Variants in CD1C observed in about 807,000 individuals in gnomAD.
CD1C encodes the protein T-cell surface glycoprotein CD1c.
CD1C carries 47 observed loss-of-function variants against 39.4 expected under a neutral mutation model. The ratio of observed to expected loss-of-function variants is 1.19; its 90% CI spans 0.94 to 1.52. The LOEUF is 1.52. CD1C is among the 40% of genes most tolerant of loss of function. The probability of loss-of-function intolerance (pLI) is 0.00; values close to 1 mark genes in which losing one functional copy is unlikely to be tolerated. For missense variants in CD1C, 417 were observed against 395.2 expected (o/e 1.06, Z -0.47); for synonymous variants, 165 against 150.8 (o/e 1.09, Z -0.69).
intron 3 of CD1C, 91 bp downstream of exon 3, chr1:158,292,456 A>C (rs948183554): frequency 1.1e-5 from 17 of 1,504,912 alleles, no homozygotes; most frequent in Admixed American, 2.0e-5. Flanking sequence ...AAGAAAGAGG[A>C]CAAGAAGCAG....
chr1:158,292,840 C>A lies in CD1C; in HGVS notation c.855C>A (p.Ser285Arg), dbSNP rs1261175172. ...PAGLSCRVRH[S>R]SLGGQDIILY... ...GCCTGTCTTGTCGAGTGAGACACAGCAGTCTAGGAGGCCAGGACATCATCC... is the reference window on the plus strand; with the variant it reads ...GCCTGTCTTGTCGAGTGAGACACAGAAGTCTAGGAGGCCAGGACATCATCC... The change falls in exon 4 of 6, where the codon AGC (serine) becomes AGA (arginine). Residue 285 changes from serine (S) to arginine (R), a missense_variant. Coordinates refer to ENST00000368170, the MANE Select transcript of CD1C (RefSeq NM_001765.3). The A allele has an allele frequency of 1.1e-5, 18 of 1,614,016 alleles. No individual in the cohort carries two copies. Among genetic ancestry groups the A allele is most frequent in the Non-Finnish European group, 1.4e-5 (17 of 1,180,012 alleles).
At chr1:158,290,318 T>C (rs543766244) in intron 1 of CD1C, among the ~76,000 whole-genome samples, 193 bp downstream of exon 1, 1 of 152,272 alleles carries the variant, frequency 6.6e-6, no homozygotes, top group Admixed American at 6.5e-5. Context: ...GCTAAAGTAG[T>C]CATTAATGTT....
intron 2 of CD1C, 84 bp downstream of exon 2, chr1:158,291,484 C>A (rs1651041148): frequency 7.5e-7 from 1 of 1,325,018 alleles, no homozygotes. Context: ...TGGGCCATTT[C>A]CCATTATCCC....
In CD1C at chr1:158,294,753, A is replaced by T. The variant is rs1425163035; in HGVS notation, c.*1277A>T. On this transcript the variant is annotated 3_prime_UTR_variant, in exon 6 of 6. Coordinates refer to ENST00000368170, the MANE Select transcript of CD1C (RefSeq NM_001765.3). ...ATTTTCTATGATTTTATTAAGATGGAAATAAACATATCTACTTGGTATTGC... is the reference window on the plus strand; with the variant it reads ...ATTTTCTATGATTTTATTAAGATGGTAATAAACATATCTACTTGGTATTGC... Among the ~76,000 whole-genome samples, 1 of 152,246 alleles carries T rather than the reference A, an allele frequency of 6.6e-6. No homozygotes were observed. The highest frequency in any genetic ancestry group is 1.9e-4 in the East Asian group (1 of 5,202).
chr1:158,290,373 G>A (rs999968538), intron 1 of CD1C, among the ~76,000 whole-genome samples: 5 of 151,994 alleles, frequency 3.3e-5, no homozygotes, highest in Admixed American at 1.3e-4. Context: ...TCCATTTTCC[G>A]TTAAAACAAT....
Position 158,293,596 on chromosome 1 carries a change from A to G in CD1C, c.*120A>G. 1 of 1,610,312 alleles carries G rather than the reference A, an allele frequency of 6.2e-7. No homozygotes were observed. Among genetic ancestry groups the G allele is most frequent in the Non-Finnish European group, 8.5e-7 (1 of 1,177,990 alleles). On this transcript the variant is annotated 3_prime_UTR_variant, in exon 6 of 6. Coordinates refer to ENST00000368170, the MANE Select transcript of CD1C (RefSeq NM_001765.3). ...AATTGTTTCTCTTTCTGCATAATAAACATTTGTTAATAAAAACCAAATTCT... is the reference window on the plus strand; with the variant it reads ...AATTGTTTCTCTTTCTGCATAATAAGCATTTGTTAATAAAAACCAAATTCT...
Position 158,290,005 on chromosome 1 carries a change from T to C in CD1C, c.-60T>C, listed in dbSNP as rs1650976044. On this transcript the variant is annotated 5_prime_UTR_variant, in exon 1 of 6. Coordinates refer to ENST00000368170, the MANE Select transcript of CD1C (RefSeq NM_001765.3). ...AGAATATAGGTACAGAGGGATAAGT[T>C]TGCTAAGAACAGAGATCAGCAAACA... The C allele has an allele frequency of 1.3e-6, 2 of 1,512,280 alleles. No individual in the cohort carries two copies. Among genetic ancestry groups the C allele is most frequent in the African/African-American group, 2.7e-5 (2 of 72,992 alleles). 93.7% of individuals were successfully genotyped at this position (1,512,280 alleles called of 1,614,324 possible). A position where few individuals can be genotyped will look rare whatever the true frequency, so the allele number is the denominator to read the frequency against.
chr1:158,291,088 C>CTTTT, intron 1 of CD1C, 46 bp from the exon 2 acceptor site: 2 of 1,267,848 alleles, frequency 1.6e-6, no homozygotes, highest in South Asian at 1.4e-5. Context: ...CCTTGCCTCT[C>CTTTT]TTTTTTTTTT....
At position 158,294,243 on chromosome 1, in the gene CD1C, G is replaced by A. The variant is rs992300896; in HGVS notation, c.*767G>A. Among the ~76,000 whole-genome samples, 5 of 152,224 alleles carry A rather than the reference G, an allele frequency of 3.3e-5. No homozygotes were observed. The highest frequency in any genetic ancestry group is 7.3e-5 in the Non-Finnish European group (5 of 68,040). ...GGGTTGGAGTGGGATCAAGGCAACC[G>A]TTGTGCTGTATATGGAAGACAAATT... On this transcript the variant is annotated 3_prime_UTR_variant, in exon 6 of 6. Transcript: ENST00000368170.
In CD1C at chr1:158,289,930, C is replaced by T. The variant is rs1003183281; in HGVS notation, c.-135C>T. ...ACCAAGGTTGAGGGAAGCAGATCTT[C>T]TTAGTTGCTGTCAGCGGCTGATGGG... On this transcript the variant is annotated 5_prime_UTR_variant, in exon 1 of 6. Transcript: ENST00000368170. 4.2e-6 allele frequency: 3 copies of T among 711,720 alleles called. No homozygotes were observed. Among genetic ancestry groups the T allele is most frequent in the Admixed American group, 2.2e-5 (1 of 44,784 alleles). The allele number at this position is 711,720 out of a possible 1,614,324, so 44.1% of individuals were successfully genotyped here.
Position 158,291,253 on chromosome 1 carries a change from G to C in CD1C, c.181G>C (p.Glu61Gln). 6.2e-7 allele frequency: 1 copy of C among 1,614,094 alleles called. No individual in the cohort carries two copies. The highest frequency in any genetic ancestry group is 1.1e-5 in the South Asian group (1 of 91,084). ...GTTGCAGACTCATGGCTGGGACAGT[G>C]AATCAGGCACAATAATTTTCCTGCA... The part of the protein sequence containing the change: ...DELQTHGWDS[E>Q]SGTIIFLHNW... Residue 61 changes from glutamate (E) to glutamine (Q), a missense_variant, in exon 2 of 6, where the codon GAA (glutamate) becomes CAA (glutamine). Glu to Gln is a conservative substitution (Grantham distance 29). Coordinates refer to ENST00000368170, the MANE Select transcript of CD1C (RefSeq NM_001765.3).
Position 158,292,823 on chromosome 1 carries a change from T to G in CD1C, c.838T>G (p.Cys280Gly). Residue 280 changes from cysteine (C) to glycine (G), a missense_variant, in exon 4 of 6, where the codon TGT becomes GGT. Transcript: ENST00000368170. Reference sequence around the variant, plus strand: ...ATCTGAGGAGCCTGCTGGCCTGTCTTGTCGAGTGAGACACAGCAGTCTAGG... The same window carrying G: ...ATCTGAGGAGCCTGCTGGCCTGTCTGGTCGAGTGAGACACAGCAGTCTAGG... ...VASEEPAGLSCRVRHSSLGGQ... is the reference protein window; with the variant it reads ...VASEEPAGLSGRVRHSSLGGQ... The G allele has an allele frequency of 6.2e-7, 1 of 1,614,214 alleles. No individual in the cohort carries two copies.
Position 158,293,614 on chromosome 1 carries a change from C to T in CD1C, c.*138C>T. On this transcript the variant is annotated 3_prime_UTR_variant, in exon 6 of 6. Coordinates refer to ENST00000368170, the MANE Select transcript of CD1C (RefSeq NM_001765.3). ...ATAATAAACATTTGTTAATAAAAAC[C>T]AAATTCTAATTTGGAATGTTTTTCT... 1.3e-6 allele frequency: 2 copies of T among 1,594,792 alleles called. No homozygotes were observed. The highest frequency in any genetic ancestry group is 1.1e-5 in the South Asian group (1 of 89,084).
In CD1C at chr1:158,292,208, ATCTCC is replaced by A; in HGVS notation, c.454_458del (p.Ser152ArgfsTer18). 6.2e-7 allele frequency: 1 copy of A among 1,614,206 alleles called. No homozygotes were observed. Among genetic ancestry groups the A allele is most frequent in the East Asian group, 2.2e-5 (1 of 44,876 alleles). ...GTTTCCAGAATACAACATGGGTGCC[ATCTCC>A]AGGCTGTGGAAGTTTGGCCCAAAGT... is the stretch of plus-strand genomic sequence containing the variant. On this transcript the variant is annotated frameshift_variant, in exon 3 of 6. Coordinates refer to ENST00000368170, the MANE Select transcript of CD1C (RefSeq NM_001765.3). LOFTEE classifies it high-confidence loss of function.
Position 158,291,373 on chromosome 1 carries a change from GA to G in CD1C, c.302del (p.Asp101AlafsTer16), listed in dbSNP as rs1651036287. Reference sequence around the variant, plus strand: ...CTTTGGATTAACTCGGGAGATTCAAGACCATGCAAGTCAAGATTACTCGAAA... The same window carrying G: ...CTTTGGATTAACTCGGGAGATTCAAGCCATGCAAGTCAAGATTACTCGAAA... ...YLFGLTREIQ[D>X]HASQDYSKYP... On this transcript the variant is annotated frameshift_variant, in exon 2 of 6. Coordinates refer to ENST00000368170, the MANE Select transcript of CD1C (RefSeq NM_001765.3). LOFTEE classifies it high-confidence loss of function. The G allele has an allele frequency of 6.2e-7, 1 of 1,613,970 alleles. No homozygotes were observed. Among genetic ancestry groups the G allele is most frequent in the Admixed American group, 1.7e-5 (1 of 60,002 alleles).
In CD1C at chr1:158,291,345, C is replaced by T; in HGVS notation, c.273C>T (p.Tyr91=). The T allele has an allele frequency of 1.9e-6, 3 of 1,614,078 alleles. No individual in the cohort carries two copies. The highest frequency in any genetic ancestry group is 1.6e-4 in the Middle Eastern group (1 of 6,062). Residue 91 remains tyrosine (Y), a synonymous_variant, in exon 2 of 6, where the codon TAC becomes TAT. Coordinates refer to ENST00000368170, the MANE Select transcript of CD1C (RefSeq NM_001765.3). The part of the protein sequence containing the change: ...LSDLELLFRF[Y]LFGLTREIQD... ...ACCTAGAGTTGTTATTTCGTTTCTA[C>T]CTCTTTGGATTAACTCGGGAGATTC...
intron 3 of CD1C, 100 bp downstream of exon 3, chr1:158,292,465 A>G (rs1468628770): frequency 2.2e-5 from 33 of 1,491,702 alleles, no homozygotes; most frequent in Non-Finnish European, 2.8e-5. Context: ...GACAAGAAGC[A>G]GGGGGGTTGC....
chr1:158,291,086 C>T, intron 1 of CD1C, 48 bp from the exon 2 acceptor site: 1 of 1,527,342 alleles, frequency 6.5e-7, no homozygotes, highest in Non-Finnish European at 8.9e-7. Context: ...TTCCTTGCCT[C>T]TCTTTTTTTT....
intron 1 of CD1C, among the ~76,000 whole-genome samples, chr1:158,290,439 G>A (rs35669445): frequency 0.061 from 9,360 of 152,232 alleles, 427 homozygotes; most frequent in Non-Finnish European, 0.094. Flanking sequence ...TGACACGCAA[G>A]GTCCAGAGGG....
Sources: allele counts gnomAD v4.1 joint callset (sites outside exome capture counted in the v4.1 genomes callset), GRCh38; gene constraint gnomAD v4.1.1; transcripts MANE v1.5; gene names NCBI Gene and HGNC (gene_info 2026-07-23, HGNC 2026-07-21).